The following KATNAL2 variants were observed in gnomAD, a reference collection of about 807,000 sequenced individuals.
The protein encoded by KATNAL2 is katanin catalytic subunit A1 like 2, also known as katanin p60 ATPase-containing subunit A-like 2.
KATNAL2 carries 52 observed loss-of-function variants against 76.3 expected under a neutral mutation model. The ratio of observed to expected loss-of-function variants is 0.68; its 90% CI spans 0.55 to 0.86. The LOEUF (loss-of-function observed/expected upper bound fraction) is 0.86, where lower values mean the gene tolerates loss of function less well. KATNAL2 is among the 40% of genes least tolerant of loss of function. The pLI is 0.00. For missense variants in KATNAL2, 660 were observed against 668.9 expected (o/e 0.99, Z 0.15); for synonymous variants, 243 against 244.2 (o/e 1.00, Z 0.05).
At chr18:47,096,662 A>T (rs2063252118) in intron 15 of KATNAL2, among the ~76,000 whole-genome samples, 1 of 152,160 alleles carries the variant, frequency 6.6e-6, no homozygotes, top group Non-Finnish European at 1.5e-5. Flanking sequence ...AACATACAGG[A>T]ATTTCCTAAT....
At position 47,075,328 on chromosome 18, in the gene KATNAL2, G is replaced by C; in HGVS notation, c.1060G>C (p.Glu354Gln). The C allele has an allele frequency of 6.4e-7, 1 of 1,558,186 alleles. No individual in the cohort carries two copies. Among genetic ancestry groups the C allele is most frequent in the Non-Finnish European group, 8.6e-7 (1 of 1,157,048 alleles). ...YHAPSTIFLDELESVMSQRGT... is the reference protein window; with the variant it reads ...YHAPSTIFLDQLESVMSQRGT... ...CGCCCCATCCACGATCTTCCTGGACGAGCTGGAGTCGGTGATGAGTCAGAG... is the reference window on the plus strand; with the variant it reads ...CGCCCCATCCACGATCTTCCTGGACCAGCTGGAGTCGGTGATGAGTCAGAG... Residue 354 changes from glutamate to glutamine, a missense_variant, in exon 14 of 18, where the codon GAG becomes CAG. Physicochemically the swap from Glu to Gln is conservative, Grantham distance 29. Transcript: ENST00000683218.
At chr18:47,099,431 TGTAGGTCA>T (rs781640902) in intron 16 of KATNAL2, 26 bp downstream of exon 16, 2 of 1,589,378 alleles carry the variant, frequency 1.3e-6, no homozygotes, top group Admixed American at 3.5e-5. Flanking sequence ...GAGGGGCACA[TGTAGGTCA>T]AGGGCCCACC....
At chr18:47,078,454 T>A (rs1416627274) in intron 15 of KATNAL2, among the ~76,000 whole-genome samples, 1 of 152,238 alleles carries the variant, frequency 6.6e-6, no homozygotes, top group African/African-American at 2.4e-5. Flanking sequence ...ATCAGCATTT[T>A]ACAATTTGAA....
At chr18:46,932,827 C>T (rs1030379206) in intron 1 of KATNAL2, among the ~76,000 whole-genome samples, 6 of 151,712 alleles carry the variant, frequency 4.0e-5, no homozygotes, top group East Asian at 3.9e-4. Context: ...TGCAATGGTG[C>T]GATCTCAGCT....
intron 1 of KATNAL2, among the ~76,000 whole-genome samples, chr18:46,935,983 A>G (rs1345628321): frequency 6.6e-6 from 1 of 152,194 alleles, no homozygotes; most frequent in African/African-American, 2.4e-5. Context: ...TCTGTTGAGG[A>G]TGCCATAGTT....
intron 15 of KATNAL2, among the ~76,000 whole-genome samples, chr18:47,080,272 T>G (rs2062445154): frequency 6.6e-6 from 1 of 152,188 alleles, no homozygotes; most frequent in Non-Finnish European, 1.5e-5. Context: ...ACTTGTTTGG[T>G]ACAACCCCAT....
At chr18:47,072,130 G>A (rs2437853) in intron 13 of KATNAL2, among the ~76,000 whole-genome samples, 5 of 151,404 alleles carry the variant, frequency 3.3e-5, no homozygotes, top group Admixed American at 6.6e-5. Context: ...CTGGCTTTTT[G>A]TATTTTTAGT....
intron 6 of KATNAL2, among the ~76,000 whole-genome samples, chr18:47,055,773 TTCCC>T (rs1219678571): frequency 6.6e-6 from 1 of 152,222 alleles, no homozygotes; most frequent in Non-Finnish European, 1.5e-5. Flanking sequence ...CTCAGCATTC[TTCCC>T]TGGCAAATGC....
intron 3 of KATNAL2, among the ~76,000 whole-genome samples, chr18:46,965,505 C>A (rs1331995321): frequency 8.2e-6 from 1 of 121,850 alleles, no homozygotes; most frequent in African/African-American, 2.9e-5. Flanking sequence ...TTTCTGAAAA[C>A]GCTCTGCTAG....
chr18:47,035,437 G>T, intron 3 of KATNAL2: 1 of 1,375,970 alleles, frequency 7.3e-7, no homozygotes, highest in South Asian at 1.5e-5. Flanking sequence ...CAGGCCACTT[G>T]GTCTGGAACG....
intron 14 of KATNAL2, 45 bp from the exon 15 acceptor site, chr18:47,077,306 C>A (rs373721811): frequency 7.0e-7 from 1 of 1,436,638 alleles, no homozygotes; most frequent in Non-Finnish European, 9.8e-7. Context: ...GTCATGAGGG[C>A]GAAGGCTCTG....
intron 3 of KATNAL2, among the ~76,000 whole-genome samples, chr18:46,957,249 C>CTTT (rs1223846865): frequency 0.023 from 1,714 of 73,810 alleles, 7 homozygotes; most frequent in East Asian, 0.031. Flanking sequence ...TTGCCCTCTT[C>CTTT]TTTTTTTTTT....
rs2059063803 is a variant in KATNAL2, at chr18:46,935,578, T to C, written c.-509-10479T>C. Reference sequence around the variant, plus strand: ...AGCTCGTACTACAGGCATGTGCCACTGCAACAGGATAGTTTTATGTATTTA... The same window carrying C: ...AGCTCGTACTACAGGCATGTGCCACCGCAACAGGATAGTTTTATGTATTTA... On this transcript the variant is annotated intron_variant, in intron 1 of 17. Transcript: ENST00000683218. 3.9e-5 allele frequency among the ~76,000 whole-genome samples: 6 copies of C among 152,036 alleles called. No individual in the cohort carries two copies. The South Asian group carries it at 1.2e-3, about 32-fold the overall frequency.
chr18:47,077,279 C>T lies in KATNAL2; in HGVS notation c.1101-72C>T. The stretch of plus-strand genomic sequence containing the variant: ...CTGTTCTACAGTCACAGGGACATTG[C>T]TGTGAATGCTGCTCTTGTCATGAGG... On this transcript the variant is annotated intron_variant, in intron 14 of 17. Transcript: ENST00000683218. 4 of 1,120,552 alleles carry T rather than the reference C, an allele frequency of 3.6e-6. No homozygotes were observed. The Admixed American group carries it at 6.9e-5, about 19-fold the overall frequency. The allele number at this position is 1,120,552 out of a possible 1,614,324, so 69.4% of individuals were successfully genotyped here.
At chr18:46,939,689 A>G (rs890290862) in intron 1 of KATNAL2, among the ~76,000 whole-genome samples, 18 of 152,316 alleles carry the variant, frequency 1.2e-4, no homozygotes, top group Middle Eastern at 3.4e-3. Flanking sequence ...CAGAGACAGC[A>G]TTCTTTTCCT....
At chr18:47,075,934 C>T (rs1054419687) in intron 14 of KATNAL2, among the ~76,000 whole-genome samples, 5 of 152,248 alleles carry the variant, frequency 3.3e-5, no homozygotes, top group Admixed American at 6.5e-5. Flanking sequence ...AGGAACACTT[C>T]TCAGACTGTA....
At chr18:46,947,567 A>G (rs1040163078) in intron 3 of KATNAL2, among the ~76,000 whole-genome samples, 3 of 152,122 alleles carry the variant, frequency 2.0e-5, no homozygotes, top group African/African-American at 7.2e-5. Context: ...CTGGGGAGAT[A>G]AAAACAACGT....
intron 13 of KATNAL2, among the ~76,000 whole-genome samples, chr18:47,070,054 C>A (rs2061941244): frequency 6.6e-6 from 1 of 151,044 alleles, no homozygotes; most frequent in Admixed American, 6.6e-5. Context: ...TTCTGAGCAC[C>A]TTTGCTTCCA....
intron 15 of KATNAL2, among the ~76,000 whole-genome samples, chr18:47,096,187 C>T (rs2063226587): frequency 6.6e-6 from 1 of 151,996 alleles, no homozygotes; most frequent in South Asian, 2.1e-4. Flanking sequence ...CAGATATGTT[C>T]CCTGGAAGTA....
Sources: allele counts gnomAD v4.1 joint callset (sites outside exome capture counted in the v4.1 genomes callset), GRCh38; gene constraint gnomAD v4.1.1; transcripts MANE v1.5; gene names NCBI Gene and HGNC (gene_info 2026-07-23, HGNC 2026-07-21).